The following MLXIPL variants were observed in gnomAD, a reference collection of about 807,000 sequenced individuals.
MLXIPL encodes the protein carbohydrate-responsive element-binding protein.
MLXIPL carries 49 observed loss-of-function variants against 81.5 expected under a neutral mutation model. The ratio of observed to expected loss-of-function variants is 0.60; its 90% confidence interval spans 0.48 to 0.76. The LOEUF is 0.76. MLXIPL is among the 30% of genes least tolerant of loss of function. The probability of loss-of-function intolerance (pLI) is 0.00; values close to 1 mark genes in which losing one functional copy is unlikely to be tolerated. For missense variants in MLXIPL, 1,053 were observed against 1,167.0 expected (o/e 0.90, Z 1.42); for synonymous variants, 466 against 485.5 (o/e 0.96, Z 0.53).
upstream of MLXIPL, chr7:73,624,598 G>A (rs1013633917): frequency 6.5e-6 from 9 of 1,392,904 alleles, no homozygotes; most frequent in South Asian, 4.9e-5. Context: ...ACCATAGGCC[G>A]ATCGGGTGGG....
chr7:73,601,539 G>T (rs1554596272), intron 7 of MLXIPL, among the ~76,000 whole-genome samples: 1 of 152,054 alleles, frequency 6.6e-6, no homozygotes, highest in Non-Finnish European at 1.5e-5. Context: ...GCAGGGCGAG[G>T]GGAGGAAGTT....
chr7:73,595,549 G>T, intron 15 of MLXIPL, 88 bp downstream of exon 15: 6 of 1,611,762 alleles, frequency 3.7e-6, no homozygotes, highest in Non-Finnish European at 2.5e-6. Flanking sequence ...GCCCGGCCTG[G>T]AGAGCTAGGC....
intron 8 of MLXIPL, among the ~76,000 whole-genome samples, chr7:73,598,700 T>C (rs1428333351): frequency 6.6e-6 from 1 of 152,090 alleles, no homozygotes; most frequent in Admixed American, 6.6e-5. Flanking sequence ...ACATAACCCT[T>C]TCAGTAAGGA....
Position 73,623,438 on chromosome 7 carries a change from C to T in MLXIPL, c.293+762G>A, listed in dbSNP as rs1796513320. 6.6e-6 allele frequency among the ~76,000 whole-genome samples: 1 copy of T among 151,748 alleles called. No individual in the cohort carries two copies. The highest frequency in any genetic ancestry group is 2.4e-5 in the African/African-American group (1 of 41,318). Reference sequence around the variant, plus strand: ...TGGGACGCGGGGCGTGGAGCGGCAGCGGGGCGCGGCCTGTGCGCTCTCGGT... The same window carrying T: ...TGGGACGCGGGGCGTGGAGCGGCAGTGGGGCGCGGCCTGTGCGCTCTCGGT... On this transcript the variant is annotated intron_variant, in intron 1 of 16. Transcript: ENST00000313375. This position sits in a 1 kb window ranked among gnomAD's most constrained non-coding sequence, Gnocchi z 5.7.
chr7:73,629,740 C>T, the MLXIPL span, among the ~76,000 whole-genome samples: 1 of 152,006 alleles, frequency 6.6e-6, no homozygotes. Flanking sequence ...AACTAAAAGG[C>T]ACGTTCATAA....
At chr7:73,637,059 C>A in the MLXIPL span, among the ~76,000 whole-genome samples, 304 of 119,440 alleles carry the variant, frequency 2.5e-3, no homozygotes, top group African/African-American at 3.1e-3. Context: ...GATTCCATCT[C>A]AAAAAAAAAA....
chr7:73,607,082 A>G (rs1341740127), intron 4 of MLXIPL, 64 bp from the exon 5 acceptor site: 4 of 1,579,610 alleles, frequency 2.5e-6, no homozygotes, highest in South Asian at 1.1e-5. Flanking sequence ...TTTCCCCCCA[A>G]AGTCTCCTCT....
chr7:73,643,500 C>T, the MLXIPL span, among the ~76,000 whole-genome samples: 3 of 145,550 alleles, frequency 2.1e-5, no homozygotes, highest in Admixed American at 2.1e-4. Context: ...GGCGACAGAG[C>T]GAGACTCCGT....
At chr7:73,607,108 G>C (rs111841919) in intron 4 of MLXIPL, 90 bp from the exon 5 acceptor site, 1 of 1,515,354 alleles carries the variant, frequency 6.6e-7, no homozygotes, top group East Asian at 2.4e-5. Flanking sequence ...CAAGCGATGA[G>C]ATCCCCCATT....
Position 73,596,112 on chromosome 7 carries a change from C to A in MLXIPL, c.2058+41G>T. ...TGGGTGGGGGGGGTCCAGAAAGGGG[C>A]CCTGTGGTTTTGGGGGTGCCAGCCT... is the stretch of plus-strand genomic sequence containing the variant. On this transcript the variant is annotated intron_variant, in intron 13 of 16. Coordinates refer to ENST00000313375, the MANE Select transcript of MLXIPL (RefSeq NM_032951.3). This position sits in a 1 kb window ranked among gnomAD's most constrained non-coding sequence, Gnocchi z 4.7. 1.2e-6 allele frequency: 2 copies of A among 1,605,958 alleles called. No individual in the cohort carries two copies. Among genetic ancestry groups the A allele is most frequent in the Non-Finnish European group, 1.7e-6 (2 of 1,177,982 alleles).
intron 8 of MLXIPL, among the ~76,000 whole-genome samples, chr7:73,598,667 T>C (rs782475089): frequency 6.6e-6 from 1 of 152,152 alleles, no homozygotes; most frequent in Admixed American, 6.5e-5. Flanking sequence ...GTATTAGGTA[T>C]AGAGAATGCA....
intron 8 of MLXIPL, 112 bp from the exon 9 acceptor site, chr7:73,597,825 C>A: frequency 1.4e-6 from 1 of 690,290 alleles, no homozygotes; most frequent in Non-Finnish European, 2.1e-6. Context: ...GACTGGGGCC[C>A]TGGGGAGAGA....
chr7:73,606,411 G>GTTTTCT (rs1159942205), intron 5 of MLXIPL: 31 of 470,326 alleles, frequency 6.6e-5, no homozygotes, highest in Non-Finnish European at 9.0e-5. Context: ...TTTTTTGTTT[G>GTTTTCT]TTTTCTTTTT....
intron 2 of MLXIPL, among the ~76,000 whole-genome samples, chr7:73,612,938 G>A (rs1584130693): frequency 6.6e-6 from 1 of 152,204 alleles, no homozygotes; most frequent in African/African-American, 2.4e-5. Flanking sequence ...CAAACAACCC[G>A]AGACAATGCA....
rs781805361 is a variant in MLXIPL, at chr7:73,597,675, G to A, written c.1110C>T (p.Ala370=). Residue 370 remains alanine (A), a synonymous_variant, in exon 9 of 17, where the codon GCC becomes GCT. Transcript: ENST00000313375. ...NSCPGPLDSS[A]FLSSDFLLPE... ...GAAGGAGGAAATCAGAACTCAGGAA[G>A]GCGCTGGAGTCCAAGGGGCCAGGGC... The A allele has an allele frequency of 6.5e-6, 9 of 1,377,928 alleles. No individual in the cohort carries two copies. The highest frequency in any genetic ancestry group is 6.5e-6 in the Non-Finnish European group (7 of 1,070,162). 85.4% of individuals were successfully genotyped at this position (1,377,928 alleles called of 1,614,324 possible).
Position 73,596,279 on chromosome 7 carries a change from G to C in MLXIPL, c.1939-7C>G. The C allele has an allele frequency of 6.2e-7, 1 of 1,613,314 alleles. No homozygotes were observed. Among genetic ancestry groups the C allele is most frequent in the Non-Finnish European group, 8.5e-7 (1 of 1,179,916 alleles). On this transcript the variant is annotated splice_polypyrimidine_tract_variant and splice_region_variant and intron_variant, in intron 12 of 16. Transcript: ENST00000313375. This position sits in a 1 kb window ranked among gnomAD's most constrained non-coding sequence, Gnocchi z 4.7. ...TGATACGCCGGTTCTCGGTCTCGGG[G>C]AGCAGAGAGTTGGGTGAGCCTAGGA...
At chr7:73,626,707 C>G (rs1451429636), upstream of MLXIPL, among the ~76,000 whole-genome samples, 2 of 152,182 alleles carry the variant, frequency 1.3e-5, no homozygotes, top group Admixed American at 6.6e-5. Flanking sequence ...TGAGGGGCAG[C>G]AGCAAAGCCT....
At chr7:73,604,996 G>A (rs1049755882) in intron 7 of MLXIPL, among the ~76,000 whole-genome samples, 5 of 152,196 alleles carry the variant, frequency 3.3e-5, no homozygotes, top group Admixed American at 6.5e-5. Flanking sequence ...AACTCCTGAC[G>A]TCAGGTGATC....
intron 2 of MLXIPL, among the ~76,000 whole-genome samples, chr7:73,614,653 C>T (rs2116443110): frequency 6.6e-6 from 1 of 152,312 alleles, no homozygotes; most frequent in African/African-American, 2.4e-5. Context: ...GCTGCCCTGC[C>T]ATGGGGAGTG....
Sources: allele counts gnomAD v4.1 joint callset (sites outside exome capture counted in the v4.1 genomes callset), GRCh38; gene constraint gnomAD v4.1.1; non-coding constraint Gnocchi (gnomAD v3.1); transcripts MANE v1.5; gene names NCBI Gene and HGNC (gene_info 2026-07-23, HGNC 2026-07-21).